PTPRG: variants seen among roughly 807,000 people sequenced by gnomAD.
The protein encoded by PTPRG is receptor-type tyrosine-protein phosphatase gamma.
PTPRG carries 102 observed loss-of-function variants against 165.3 expected under a neutral mutation model. The ratio of observed to expected loss-of-function variants is 0.62; its 90% CI spans 0.53 to 0.73. PTPRG has a LOEUF of 0.73. Ranked by LOEUF, PTPRG falls within the 30% of genes least tolerant of loss-of-function variation. The pLI, the probability that PTPRG is intolerant of heterozygous loss-of-function variation, is 0.00. For missense variants in PTPRG, 1,866 were observed against 1,861.4 expected (o/e 1.00, Z -0.05); for synonymous variants, 675 against 669.5 (o/e 1.01, Z -0.13).
At chr3:62,088,908 G>A (rs566520073) in intron 5 of PTPRG, among the ~76,000 whole-genome samples, 35 of 152,266 alleles carry the variant, frequency 2.3e-4, no homozygotes, top group East Asian at 1.5e-3. Context: ...TGTCTCTTGC[G>A]AAATCTTTTT....
intron 2 of PTPRG, among the ~76,000 whole-genome samples, chr3:61,902,093 G>C (rs1431945809): frequency 6.6e-6 from 1 of 152,290 alleles, no homozygotes; most frequent in East Asian, 1.9e-4. Context: ...TGAATTGTTG[G>C]TTATCACCCA....
chr3:61,944,347 C>G (rs771330335), intron 2 of PTPRG, among the ~76,000 whole-genome samples: 9 of 152,194 alleles, frequency 5.9e-5, no homozygotes, highest in Non-Finnish European at 1.0e-4. Context: ...AACTGATGCC[C>G]TCCTGTTCTT....
At chr3:62,060,211 C>CAA (rs3068431) in intron 4 of PTPRG, among the ~76,000 whole-genome samples, 1,711 of 131,384 alleles carry the variant, frequency 0.013, 36 homozygotes, top group African/African-American at 0.044. Flanking sequence ...GACCCTGTCT[C>CAA]AAAAAAAAAA....
intron 10 of PTPRG, among the ~76,000 whole-genome samples, chr3:62,199,219 C>G (rs963856097): frequency 6.6e-6 from 1 of 152,132 alleles, no homozygotes; most frequent in Non-Finnish European, 1.5e-5. Flanking sequence ...TCATGGGAGG[C>G]TATATTTAGG....
intron 1 of PTPRG, among the ~76,000 whole-genome samples, chr3:61,572,726 C>G (rs1266718480): frequency 1.3e-5 from 2 of 152,252 alleles, no homozygotes; most frequent in African/African-American, 2.4e-5. Context: ...ATAGGAAGGT[C>G]TAGCAGCCTA....
chr3:61,858,020 G>A (rs143265780), intron 2 of PTPRG, among the ~76,000 whole-genome samples: 24 of 152,242 alleles, frequency 1.6e-4, no homozygotes, highest in South Asian at 6.2e-4. Flanking sequence ...GCAGAATCCC[G>A]CCTGTATGAG....
intron 4 of PTPRG, among the ~76,000 whole-genome samples, chr3:62,020,298 A>G (rs542246580): frequency 2.2e-4 from 33 of 152,204 alleles, no homozygotes; most frequent in Admixed American, 3.9e-4. Context: ...ATTTTTCACA[A>G]TTAACACACT....
intron 1 of PTPRG, among the ~76,000 whole-genome samples, chr3:61,707,317 G>A (rs2031313196): frequency 6.6e-6 from 1 of 152,200 alleles, no homozygotes. Flanking sequence ...TGGAGAGAAA[G>A]ATTTATTATA....
intron 1 of PTPRG, among the ~76,000 whole-genome samples, chr3:61,724,263 A>G (rs1280590875): frequency 6.6e-6 from 1 of 151,650 alleles, no homozygotes; most frequent in Non-Finnish European, 1.5e-5. Context: ...TATAATATGT[A>G]TATAGTGTGT....
chr3:61,763,037 T>A (rs1382886896), intron 2 of PTPRG, among the ~76,000 whole-genome samples: 1 of 152,120 alleles, frequency 6.6e-6, no homozygotes. Context: ...AACATGTTCT[T>A]CAAAGCATCC....
intron 3 of PTPRG, among the ~76,000 whole-genome samples, chr3:61,999,206 C>T (rs139548338): frequency 1.3e-3 from 192 of 152,236 alleles, no homozygotes; most frequent in African/African-American, 4.4e-3. Flanking sequence ...CCACCACACC[C>T]GGCTAGCCTT....
intron 4 of PTPRG, among the ~76,000 whole-genome samples, chr3:62,008,082 T>A (rs2041338135): frequency 6.6e-6 from 1 of 152,228 alleles, no homozygotes. Context: ...CAGTTATCTA[T>A]GACAGCTTCT....
chr3:61,575,332 T>G lies in PTPRG; in HGVS notation c.85+12960T>G, dbSNP rs1559509036. Among the ~76,000 whole-genome samples the G allele has an allele frequency of 3.9e-5, 6 of 152,150 alleles. No homozygotes were observed. In the South Asian group the frequency reaches 1.2e-3, roughly 32 times the overall value. On this transcript the variant is annotated intron_variant, in intron 1 of 29. Transcript: ENST00000474889. Reference sequence around the variant, plus strand: ...TCTTATATGCCTTGGAACCTTTAAATGGGGTTGAGGGAATGAGACTTGAAG... The same window carrying G: ...TCTTATATGCCTTGGAACCTTTAAAGGGGGTTGAGGGAATGAGACTTGAAG...
intron 2 of PTPRG, among the ~76,000 whole-genome samples, chr3:61,875,242 C>A (rs570725120): frequency 2.4e-4 from 37 of 152,188 alleles, no homozygotes; most frequent in Middle Eastern, 3.4e-3. Context: ...TTCTTTTAGG[C>A]CACATTCTGG....
rs1246561766 is a variant in PTPRG, at chr3:61,851,020, G to GGT, written c.190+102039_190+102040dup. On this transcript the variant is annotated intron_variant, in intron 2 of 29. Coordinates refer to ENST00000474889, the MANE Select transcript of PTPRG (RefSeq NM_002841.4). ...TAGGTAAGATTCTTAGAATGTTAAC[G>GGT]GTAACTCTCCCTCTTTTTGCCTGTT... 4.6e-5 allele frequency among the ~76,000 whole-genome samples: 7 copies of GGT among 152,270 alleles called. No homozygotes were observed. The East Asian group carries it at 1.4e-3, about 29-fold the overall frequency.
At chr3:61,565,891 A>G (rs955770966) in intron 1 of PTPRG, among the ~76,000 whole-genome samples, 1 of 151,976 alleles carries the variant, frequency 6.6e-6, no homozygotes, top group Non-Finnish European at 1.5e-5. Context: ...CAAAAGTAAT[A>G]TTTGGAAATC....
At chr3:61,753,640 A>G (rs2033532520) in intron 2 of PTPRG, 1 of 429,292 alleles carries the variant, frequency 2.3e-6, no homozygotes. Context: ...GCTGGAGTGC[A>G]GTGCCTCGAT....
At chr3:61,924,629 A>G (rs886207287) in intron 2 of PTPRG, among the ~76,000 whole-genome samples, 3 of 152,204 alleles carry the variant, frequency 2.0e-5, no homozygotes, top group African/African-American at 7.2e-5. Context: ...TGAAAATACT[A>G]TGGCAGTGAA....
At chr3:62,285,038 A>T (rs1702588342) in intron 28 of PTPRG, among the ~76,000 whole-genome samples, 1 of 152,026 alleles carries the variant, frequency 6.6e-6, no homozygotes, top group African/African-American at 2.4e-5. Flanking sequence ...TTAACATGAC[A>T]ACCATACCAG....
Sources: gnomAD v4.1 joint callset for allele counts (sites outside exome capture counted in the v4.1 genomes callset) on GRCh38, gnomAD v4.1.1 for gene constraint, MANE v1.5 for transcripts, NCBI Gene and HGNC (gene_info 2026-07-23, HGNC 2026-07-21) for gene names.